The following TRHDE variants were observed in gnomAD, a reference collection of about 807,000 sequenced individuals.
The protein encoded by TRHDE is thyrotropin-releasing hormone-degrading ectoenzyme.
In TRHDE, 72 loss-of-function variants were observed where a neutral mutation model predicts 125.7. The observed-to-expected ratio is 0.57, with a 90% CI of 0.47 to 0.70. TRHDE has a LOEUF of 0.70. TRHDE is among the 30% of genes least tolerant of loss of function. TRHDE has a pLI of 0.00. For synonymous variants in TRHDE, 509 were observed against 509.1 expected (o/e 1.00, Z 0.00); for missense variants, 1,110 against 1,327.1 (o/e 0.84, Z 2.54).
At chr12:72,599,803 A>G (rs1289115562) in intron 12 of TRHDE, among the ~76,000 whole-genome samples, 1 of 152,020 alleles carries the variant, frequency 6.6e-6, no homozygotes, top group Non-Finnish European at 1.5e-5. Flanking sequence ...GCTGATGTCC[A>G]CAATGGTGTT....
intron 15 of TRHDE, among the ~76,000 whole-genome samples, chr12:72,638,645 G>A (rs1592589258): frequency 1.3e-5 from 2 of 152,026 alleles, no homozygotes; most frequent in East Asian, 1.9e-4. Context: ...GCTGGTACCG[G>A]TCGTTCCATT....
At chr12:72,091,760 C>T (rs1874797157) in intron 1 of TRHDE, among the ~76,000 whole-genome samples, 1 of 152,194 alleles carries the variant, frequency 6.6e-6, no homozygotes, top group Admixed American at 6.5e-5. Context: ...TGAGGGCAGT[C>T]ACGACCCAGG....
At chr12:72,107,931 C>T (rs769904511) in intron 2 of TRHDE, among the ~76,000 whole-genome samples, 42 of 152,052 alleles carry the variant, frequency 2.8e-4, no homozygotes, top group Non-Finnish European at 5.4e-4. Context: ...TCCCTGGAAC[C>T]GTGTATTCTA....
chr12:72,663,019 G>C (rs774597684), intron 18 of TRHDE, 33 bp from the exon 19 acceptor site: 16 of 1,580,068 alleles, frequency 1.0e-5, no homozygotes, highest in Middle Eastern at 1.7e-4. Context: ...TTTAAGACAG[G>C]CAGATTTACC....
chr12:72,394,324 A>C (rs1193042154), intron 3 of TRHDE, among the ~76,000 whole-genome samples: 1 of 152,150 alleles, frequency 6.6e-6, no homozygotes, highest in African/African-American at 2.4e-5. Context: ...TTCTGCCATG[A>C]ATTGCACACC....
At chr12:72,454,017 C>A (rs1875714606) in intron 3 of TRHDE, among the ~76,000 whole-genome samples, 1 of 152,124 alleles carries the variant, frequency 6.6e-6, no homozygotes, top group Admixed American at 6.5e-5. Context: ...TGCACTACTA[C>A]CAGATATTTT....
upstream of TRHDE, among the ~76,000 whole-genome samples, chr12:72,270,737 T>G (rs1262144445): frequency 6.6e-6 from 1 of 152,312 alleles, no homozygotes; most frequent in Admixed American, 6.5e-5. Flanking sequence ...ACCTTTGGGG[T>G]GGCTGTTTTC....
At chr12:72,579,724 A>C (rs894687511) in intron 12 of TRHDE, among the ~76,000 whole-genome samples, 3 of 152,080 alleles carry the variant, frequency 2.0e-5, no homozygotes, top group African/African-American at 7.2e-5. Flanking sequence ...TTTGTTTTAC[A>C]TCTGTCTCTT....
chr12:72,597,756 T>TAC (rs1276841173), intron 12 of TRHDE, among the ~76,000 whole-genome samples: 87 of 10,630 alleles, frequency 8.2e-3, no homozygotes, highest in African/African-American at 0.018. Context: ...TATATATATA[T>TAC]ATGCATACAC....
rs1341229050 is a variant in TRHDE, at chr12:72,562,235, A to G, written c.1854+5A>G. 6.6e-7 allele frequency: 1 copy of G among 1,511,244 alleles called. No homozygotes were observed. Among genetic ancestry groups the G allele is most frequent in the South Asian group, 1.2e-5 (1 of 84,344 alleles). The allele number at this position is 1,511,244 out of a possible 1,614,324, so 93.6% of individuals were successfully genotyped here. On this transcript the variant is annotated splice_donor_5th_base_variant and intron_variant, in intron 8 of 18. Transcript: ENST00000261180. ...CTCTGGAATACATTATCGGAGGTAA[A>G]GTATAGGAAGCTTAAATATCAAAAC...
At chr12:72,619,286 T>C (rs145810680) in intron 13 of TRHDE, among the ~76,000 whole-genome samples, 129 of 152,286 alleles carry the variant, frequency 8.5e-4, no homozygotes, top group Middle Eastern at 6.8e-3. Flanking sequence ...GAAATATACA[T>C]GGCAAATTTT....
chr12:72,519,419 C>G (rs558010874), intron 6 of TRHDE, among the ~76,000 whole-genome samples: 7 of 152,308 alleles, frequency 4.6e-5, no homozygotes. Context: ...TGAACCCTTT[C>G]TTCCAGTTGA....
At chr12:72,436,396 T>G (rs1389201324) in intron 3 of TRHDE, among the ~76,000 whole-genome samples, 1 of 152,018 alleles carries the variant, frequency 6.6e-6, no homozygotes, top group East Asian at 1.9e-4. Context: ...TTTGTCCTGT[T>G]GGTTTTTAGA....
At chr12:72,277,107 A>G (rs1879516215) in intron 1 of TRHDE, among the ~76,000 whole-genome samples, 2 of 152,206 alleles carry the variant, frequency 1.3e-5, no homozygotes, top group African/African-American at 4.8e-5. Context: ...AATAGGGTCT[A>G]TAACATGCCA....
intron 15 of TRHDE, among the ~76,000 whole-genome samples, chr12:72,645,271 T>C (rs1027817662): frequency 6.6e-6 from 1 of 152,054 alleles, no homozygotes; most frequent in African/African-American, 2.4e-5. Context: ...ATATAAAACA[T>C]TTAAAAGTAC....
At chr12:72,627,891 C>G (rs1873328472) in intron 15 of TRHDE, among the ~76,000 whole-genome samples, 1 of 151,302 alleles carries the variant, frequency 6.6e-6, no homozygotes, top group East Asian at 2.0e-4. Flanking sequence ...ATTGCCCAGG[C>G]TTGCTGGTCC....
intron 17 of TRHDE, among the ~76,000 whole-genome samples, chr12:72,654,389 C>T (rs1012370902): frequency 6.6e-5 from 10 of 152,158 alleles, no homozygotes; most frequent in African/African-American, 2.4e-4. Flanking sequence ...TCCTGCTCCT[C>T]TGTCGATTTT....
At chr12:72,211,758 G>C (rs1329461625) in intron 2 of TRHDE, among the ~76,000 whole-genome samples, 1 of 152,100 alleles carries the variant, frequency 6.6e-6, no homozygotes, top group Non-Finnish European at 1.5e-5. Flanking sequence ...TTTGGAGAAA[G>C]TATTTTAACA....
intron 13 of TRHDE, among the ~76,000 whole-genome samples, chr12:72,619,891 T>A (rs1312351299): frequency 6.6e-6 from 1 of 152,140 alleles, no homozygotes. Context: ...ATCTTTTTAT[T>A]GGAGCCATCT....
Sources: allele counts gnomAD v4.1 joint callset (sites outside exome capture counted in the v4.1 genomes callset), GRCh38; gene constraint gnomAD v4.1.1; transcripts MANE v1.5; gene names NCBI Gene and HGNC (gene_info 2026-07-23, HGNC 2026-07-21).